Variants in DNAH10 observed in about 807,000 individuals in gnomAD.
DNAH10 encodes the protein dynein axonemal heavy chain 10, also known as axonemal beta dynein heavy chain 10.
In DNAH10, 348 loss-of-function variants were observed where a neutral mutation model predicts 506.6. That is an observed-to-expected ratio of 0.69 (90% CI 0.63 to 0.75). The LOEUF (loss-of-function observed/expected upper bound fraction) is 0.75, where lower values mean the gene tolerates loss of function less well. Among genes scored for constraint, DNAH10 ranks in the 30% least tolerant of loss-of-function variants. The pLI, the probability that DNAH10 is intolerant of heterozygous loss-of-function variation, is 0.00. For missense variants in DNAH10, 5,179 were observed against 5,787.1 expected (o/e 0.89, Z 3.41); for synonymous variants, 2,059 against 2,198.6 (o/e 0.94, Z 1.78).
At chr12:123,802,381 C>T (rs1206062442) in intron 16 of DNAH10, among the ~76,000 whole-genome samples, 3 of 152,206 alleles carry the variant, frequency 2.0e-5, no homozygotes, top group Non-Finnish European at 4.4e-5. Context: ...TCTCAGCTCA[C>T]TGCAATCTCC....
chr12:123,823,592 CAT>C (rs1038454552), intron 24 of DNAH10, among the ~76,000 whole-genome samples: 2 of 152,190 alleles, frequency 1.3e-5, no homozygotes, highest in South Asian at 2.1e-4. Context: ...CAACCACACA[CAT>C]GTCAAAATAA....
chr12:123,860,990 G>A (rs1403762986), intron 38 of DNAH10, 22 bp from the exon 39 acceptor site: 5 of 1,613,852 alleles, frequency 3.1e-6, no homozygotes, highest in Non-Finnish European at 4.2e-6. Context: ...TTGAACCATG[G>A]CTAAAGCCTC....
rs998003851 is a variant in DNAH10, at chr12:123,930,715, C to T, written c.12784+142C>T. On this transcript the variant is annotated intron_variant, in intron 73 of 78. Coordinates refer to ENST00000673944, the MANE Select transcript of DNAH10 (RefSeq NM_001372106.1). Reference sequence around the variant, plus strand: ...AGCCTGTTAGGTGGCTCGGCAGACGCTTCCTGGCTGCAGAGCTGACTGATA... The same window carrying T: ...AGCCTGTTAGGTGGCTCGGCAGACGTTTCCTGGCTGCAGAGCTGACTGATA... 5 of 787,566 alleles carry T rather than the reference C, an allele frequency of 6.3e-6. No individual in the cohort carries two copies. The Admixed American group carries it at 1.4e-4, about 22-fold the overall frequency. 48.8% of individuals were successfully genotyped at this position (787,566 alleles called of 1,614,324 possible).
chr12:123,934,255 TG>T, intron 77 of DNAH10: 1 of 699,046 alleles, frequency 1.4e-6, no homozygotes. Context: ...ACAGGGTAGC[TG>T]GGGTTGCCAT....
chr12:123,835,347 A>G (rs1219976368), intron 27 of DNAH10, 59 bp from the exon 28 acceptor site: 1 of 1,581,456 alleles, frequency 6.3e-7, no homozygotes, highest in Admixed American at 1.8e-5. Context: ...GGGCTTTGCC[A>G]TCCACTTTTG....
At position 123,813,408 on chromosome 12, in the gene DNAH10, CT is replaced by C; in HGVS notation, c.3390del (p.Ala1131ProfsTer7). The C allele has an allele frequency of 6.2e-7, 1 of 1,614,216 alleles. No homozygotes were observed. The highest frequency in any genetic ancestry group is 8.5e-7 in the Non-Finnish European group (1 of 1,180,040). On this transcript the variant is annotated frameshift_variant, in exon 20 of 79. Transcript: ENST00000673944. LOFTEE classifies it high-confidence loss of function. ...LDKAIVMEKF[A>X]AKKPPCVAYD... ...AAAGCTATTGTGATGGAGAAATTTG[CT>C]GCCAAGAAACCTCCTTGTGTAGCAT...
At chr12:123,810,879 A>G (rs1594085529) in intron 19 of DNAH10, among the ~76,000 whole-genome samples, 2 of 152,346 alleles carry the variant, frequency 1.3e-5, no homozygotes, top group Middle Eastern at 3.4e-3. Flanking sequence ...CCTATAAAAC[A>G]TTATGAATAT....
At position 123,888,946 on chromosome 12, in the gene DNAH10, T is replaced by C. The variant is rs116027428; in HGVS notation, c.8995+1633T>C. ...AGGGACCTATTTCATCGATTGCTTG[T>C]TTGTTTCAGCACCTGACCATATTCA... is the stretch of plus-strand genomic sequence containing the variant. On this transcript the variant is annotated intron_variant, in intron 52 of 78. Transcript: ENST00000673944. Among the ~76,000 whole-genome samples the C allele has an allele frequency of 1.9e-3, 296 of 152,268 alleles. 2 individuals carry two copies. Among genetic ancestry groups the C allele is most frequent in the African/African-American group, 6.9e-3 (288 of 41,560 alleles).
chr12:123,851,115 C>A, intron 35 of DNAH10, 39 bp downstream of exon 35: 1 of 1,534,144 alleles, frequency 6.5e-7, no homozygotes, highest in Non-Finnish European at 8.8e-7. Context: ...GCAGTGCAGA[C>A]TTCACCCGGG....
chr12:123,868,488 A>C (rs1951899325), intron 43 of DNAH10, among the ~76,000 whole-genome samples: 1 of 151,950 alleles, frequency 6.6e-6, no homozygotes, highest in African/African-American at 2.4e-5. Flanking sequence ...ATCTATCTCC[A>C]TTTTCACCAT....
intron 5 of DNAH10, among the ~76,000 whole-genome samples, chr12:123,775,184 C>T (rs576333116): frequency 2.8e-4 from 42 of 152,298 alleles, no homozygotes; most frequent in African/African-American, 8.4e-4. Flanking sequence ...GGCCCAATCA[C>T]GGCTCACTGC....
At chr12:123,934,788 C>G (rs1258425149) in intron 78 of DNAH10, 22 bp downstream of exon 78, 1 of 1,612,586 alleles carries the variant, frequency 6.2e-7, no homozygotes, top group Admixed American at 1.7e-5. Flanking sequence ...AGCCCCTCCT[C>G]TCTGACACCA....
Position 123,926,359 on chromosome 12 carries a change from C to G in DNAH10, c.11922-278C>G. The G allele has an allele frequency of 2.4e-6, 1 of 409,300 alleles. No individual in the cohort carries two copies. Among genetic ancestry groups the G allele is most frequent in the East Asian group, 4.0e-5 (1 of 25,182 alleles). The allele number at this position is 409,300 out of a possible 1,614,324, so 25.4% of individuals were successfully genotyped here. On this transcript the variant is annotated intron_variant, in intron 68 of 78. Coordinates refer to ENST00000673944, the MANE Select transcript of DNAH10 (RefSeq NM_001372106.1). The surrounding 1 kb of genome is among the most constrained non-coding windows in gnomAD (Gnocchi z 4.1). ...TCAGGGTTTTGTGCCATGGGCAGGCCCACCTAGAGGGCAAGCTGAGGTGCC... is the reference window on the plus strand; with the variant it reads ...TCAGGGTTTTGTGCCATGGGCAGGCGCACCTAGAGGGCAAGCTGAGGTGCC...
intron 39 of DNAH10, among the ~76,000 whole-genome samples, chr12:123,862,053 T>C (rs183483593): frequency 1.6e-4 from 25 of 152,322 alleles, no homozygotes; most frequent in African/African-American, 5.3e-4. Context: ...TCTTCATAAT[T>C]AGATTCAGGC....
chr12:123,935,293 C>T (rs1370165136), intron 78 of DNAH10, 42 bp from the exon 79 acceptor site: 20 of 1,587,588 alleles, frequency 1.3e-5, no homozygotes, highest in Non-Finnish European at 1.6e-5. Flanking sequence ...TCCCTCTGCA[C>T]CCTCTCTCCG....
Position 123,897,912 on chromosome 12 carries a change from T to C in DNAH10, c.9423T>C (p.Leu3141=). ...RSNYVTPKNY[L]DFINTYSKLL... ...ACTATGTCACTCCCAAGAACTACCT[T>C]GATTTTATTAACACCTATTCAAAAT... Residue 3141 remains leucine (L), a synonymous_variant, in exon 55 of 79, where the codon CTT becomes CTC. Coordinates refer to ENST00000673944, the MANE Select transcript of DNAH10 (RefSeq NM_001372106.1). The C allele has an allele frequency of 1.2e-6, 2 of 1,608,630 alleles. No individual in the cohort carries two copies. Among genetic ancestry groups the C allele is most frequent in the Non-Finnish European group, 1.7e-6 (2 of 1,178,548 alleles).
Position 123,933,512 on chromosome 12 carries a change from G to GTACC in DNAH10, c.13477+2_13477+5dup. 6.3e-7 allele frequency: 1 copy of GTACC among 1,592,962 alleles called. No homozygotes were observed. The highest frequency in any genetic ancestry group is 8.6e-7 in the Non-Finnish European group (1 of 1,166,790). The stretch of plus-strand genomic sequence containing the variant: ...GAAGTGAATGAGCGGGCGGGACAAG[G>GTACC]TACCGTCAGCTCGTTAGGGATCCAC... On this transcript the variant is annotated splice_donor_variant, in intron 77 of 78. Transcript: ENST00000673944. LOFTEE classifies it high-confidence loss of function.
rs767453716 is a variant in DNAH10, at chr12:123,913,151, C to T, written c.10188C>T (p.Ile3396=). 1.9e-6 allele frequency: 3 copies of T among 1,611,910 alleles called. No individual in the cohort carries two copies. Among genetic ancestry groups the T allele is most frequent in the Non-Finnish European group, 2.5e-6 (3 of 1,179,454 alleles). The change falls in exon 60 of 79, where the codon ATC becomes ATT. Residue 3396 remains isoleucine (I), a synonymous_variant. Transcript: ENST00000673944. This position sits in a 1 kb window ranked among gnomAD's most constrained non-coding sequence, Gnocchi z 5.1. ...TCACTAAACGGGAACTGGAAAGGAT[C>T]CAGAATGAGTTGGCAGCAATTCAGA... is the stretch of plus-strand genomic sequence containing the variant. ...FYLTKRELER[I]QNELAAIQKE... is the part of the protein sequence containing the mutation.
At chr12:123,778,965 T>C (rs1221188227) in intron 5 of DNAH10, among the ~76,000 whole-genome samples, 2 of 151,572 alleles carry the variant, frequency 1.3e-5, no homozygotes, top group Admixed American at 6.6e-5. Flanking sequence ...AGTAGTGCGA[T>C]CTCAGCTCAC....
Sources: gnomAD v4.1 joint callset for allele counts (sites outside exome capture counted in the v4.1 genomes callset) on GRCh38, gnomAD v4.1.1 for gene constraint, Gnocchi (gnomAD v3.1) non-coding constraint, MANE v1.5 for transcripts, NCBI Gene and HGNC (gene_info 2026-07-23, HGNC 2026-07-21) for gene names.